Variants in AUTS2 observed in about 807,000 individuals in gnomAD.
The protein encoded by AUTS2 is activator of transcription and developmental regulator AUTS2, also known as autism susceptibility gene 2 protein.
Under a neutral mutation model 112.4 loss-of-function variants are expected in AUTS2, and 17 were observed. That is an observed-to-expected ratio of 0.15 (90% confidence interval 0.10 to 0.23). AUTS2 has a LOEUF of 0.23. AUTS2 is among the 10% of genes least tolerant of loss of function. AUTS2 has a pLI of 1.00. For synonymous variants in AUTS2, 751 were observed against 702.7 expected (o/e 1.07, Z -1.09); for missense variants, 1,510 against 1,701.6 (o/e 0.89, Z 1.98).
chr7:70,100,526 C>T (rs748808805), intron 2 of AUTS2, among the ~76,000 whole-genome samples: 28 of 151,458 alleles, frequency 1.8e-4, no homozygotes, highest in Non-Finnish European at 2.9e-4. Flanking sequence ...TTTGTTGCAC[C>T]CATCACCTCA....
chr7:70,776,466 G>C (rs1485458677), intron 13 of AUTS2, among the ~76,000 whole-genome samples: 1 of 152,164 alleles, frequency 6.6e-6, no homozygotes, highest in Non-Finnish European at 1.5e-5. Flanking sequence ...CCTAGATAGA[G>C]AACAGGAAGG....
chr7:70,212,024 G>C (rs759543278), intron 4 of AUTS2, among the ~76,000 whole-genome samples: 2 of 152,164 alleles, frequency 1.3e-5, no homozygotes, highest in Non-Finnish European at 2.9e-5. Context: ...AGAACAAATT[G>C]AGTAGACTTT....
intron 5 of AUTS2, among the ~76,000 whole-genome samples, chr7:70,582,611 T>C (rs1802504054): frequency 6.6e-6 from 1 of 152,220 alleles, no homozygotes; most frequent in Admixed American, 6.5e-5. Flanking sequence ...AGAAGCATCT[T>C]TTCATTTAGC....
chr7:70,135,049 A>G (rs1236362260), intron 4 of AUTS2, among the ~76,000 whole-genome samples: 1 of 152,108 alleles, frequency 6.6e-6, no homozygotes, highest in Non-Finnish European at 1.5e-5. Context: ...CAGTCTGGGT[A>G]GTTTGCCTTT....
chr7:69,633,909 G>A (rs1794393084), intron 1 of AUTS2, among the ~76,000 whole-genome samples: 1 of 151,932 alleles, frequency 6.6e-6, no homozygotes, highest in Admixed American at 6.6e-5. Flanking sequence ...CATTTCATTG[G>A]TTATTTCTTT....
intron 4 of AUTS2, among the ~76,000 whole-genome samples, chr7:70,148,904 A>G (rs1349594899): frequency 6.6e-6 from 1 of 152,026 alleles, no homozygotes; most frequent in African/African-American, 2.4e-5. Flanking sequence ...ACACAAAACT[A>G]TTTAAGCAAA....
intron 2 of AUTS2, among the ~76,000 whole-genome samples, chr7:69,982,368 G>C (rs1406597239): frequency 6.6e-6 from 1 of 152,110 alleles, no homozygotes; most frequent in Non-Finnish European, 1.5e-5. Flanking sequence ...GCTTTCTCTG[G>C]TGTAGAATTT....
At position 70,716,632 on chromosome 7, in the gene AUTS2, G is replaced by C. The variant is rs573152289; in HGVS notation, c.742+18012G>C. On this transcript the variant is annotated intron_variant, in intron 6 of 18. Transcript: ENST00000342771. ...AACCTGGGTGACAGAGCGAGACTCC[G>C]TCTCAAAAAAAAAAAAAAAAAAAAA... Among the ~76,000 whole-genome samples the C allele has an allele frequency of 2.5e-3, 137 of 54,626 alleles. 1 individual carries two copies. Among genetic ancestry groups the C allele is most frequent in the African/African-American group, 9.9e-3 (134 of 13,504 alleles). 35.8% of individuals were successfully genotyped at this position (54,626 alleles called of 152,430 possible).
chr7:70,632,307 C>A (rs183569084), intron 5 of AUTS2, among the ~76,000 whole-genome samples: 1 of 152,062 alleles, frequency 6.6e-6, no homozygotes, highest in Non-Finnish European at 1.5e-5. Context: ...GAAAGGCAGC[C>A]GGGGGATTCG....
intron 5 of AUTS2, among the ~76,000 whole-genome samples, chr7:70,669,724 C>T (rs925886130): frequency 2.0e-5 from 3 of 152,192 alleles, no homozygotes; most frequent in South Asian, 2.1e-4. Context: ...TTGAAGTCAT[C>T]GTGTGAATAG....
At chr7:70,633,080 AGG>A (rs1179610353) in intron 5 of AUTS2, among the ~76,000 whole-genome samples, 16 of 152,160 alleles carry the variant, frequency 1.1e-4, no homozygotes, top group Non-Finnish European at 1.9e-4. Context: ...CATGGGGTAG[AGG>A]GCAAGACAGT....
rs372714674 is a variant in AUTS2 at position 70,534,895 on chromosome 7, T to G, written c.690+99114T>G. Among the ~76,000 whole-genome samples the G allele has an allele frequency of 2.1e-4, 32 of 152,236 alleles. 1 individual carries two copies. Among genetic ancestry groups the G allele is most frequent in the African/African-American group, 7.2e-4 (30 of 41,532 alleles). ...CAACAGGTTATAAGACTTCAGAATGTCACGAACTGGTGAAAAAAAAATGTA... is the reference window on the plus strand; with the variant it reads ...CAACAGGTTATAAGACTTCAGAATGGCACGAACTGGTGAAAAAAAAATGTA... On this transcript the variant is annotated intron_variant, in intron 5 of 18. Coordinates refer to ENST00000342771, the MANE Select transcript of AUTS2 (RefSeq NM_015570.4).
chr7:70,424,884 G>A (rs1795369959), intron 4 of AUTS2, among the ~76,000 whole-genome samples: 1 of 152,178 alleles, frequency 6.6e-6, no homozygotes, highest in South Asian at 2.1e-4. Context: ...ATTGCACCTG[G>A]CCTCAGGATT....
At chr7:69,917,897 C>T (rs762783468) in intron 2 of AUTS2, among the ~76,000 whole-genome samples, 28 of 152,040 alleles carry the variant, frequency 1.8e-4, no homozygotes, top group Non-Finnish European at 3.8e-4. Context: ...GGCTGGAGTG[C>T]AGTGGCGCGA....
chr7:70,272,778 C>T (rs888526871), intron 4 of AUTS2, among the ~76,000 whole-genome samples: 1 of 151,908 alleles, frequency 6.6e-6, no homozygotes, highest in African/African-American at 2.4e-5. Context: ...GAGGACTGAG[C>T]CCCAGAGACA....
At chr7:70,736,478 C>T (rs1162851003) in intron 6 of AUTS2, among the ~76,000 whole-genome samples, 1 of 151,848 alleles carries the variant, frequency 6.6e-6, no homozygotes. Flanking sequence ...TACTTGTTTT[C>T]CAAGATCTGT....
In AUTS2 at chr7:69,726,186, G is replaced by A. The variant is rs530146237; in HGVS notation, c.309+126224G>A. Among the ~76,000 whole-genome samples, 51 of 152,176 alleles carry A rather than the reference G, an allele frequency of 3.4e-4. 1 individual carries two copies. The highest frequency in any genetic ancestry group is 1.2e-3 in the African/African-American group (49 of 41,534). On this transcript the variant is annotated intron_variant, in intron 1 of 18. Coordinates refer to ENST00000342771, the MANE Select transcript of AUTS2 (RefSeq NM_015570.4). ...AACCTGAAAAAGTTTTTTAGTTTCC[G>A]GTTTGAATCAATTCCTGCCCACCCC... is the stretch of plus-strand genomic sequence containing the variant.
Position 70,582,931 on chromosome 7 carries a change from T to A in AUTS2, c.691-115638T>A, listed in dbSNP as rs552664627. ...CTTAGCAAAAGTATGTCTAGACAAT[T>A]TTTTTTGGCTTTTCCCCCCAAACTT... On this transcript the variant is annotated intron_variant, in intron 5 of 18. Transcript: ENST00000342771. Among the ~76,000 whole-genome samples the A allele has an allele frequency of 6.6e-5, 10 of 152,306 alleles. No homozygotes were observed. The South Asian group carries it at 2.1e-3, about 32-fold the overall frequency.
intron 2 of AUTS2, among the ~76,000 whole-genome samples, chr7:70,071,656 A>G (rs1223378975): frequency 6.6e-6 from 1 of 152,120 alleles, no homozygotes; most frequent in South Asian, 2.1e-4. Flanking sequence ...CTTTGTAGCT[A>G]GTCATTTTCG....
Sources: allele counts gnomAD v4.1 joint callset (sites outside exome capture counted in the v4.1 genomes callset), GRCh38; gene constraint gnomAD v4.1.1; transcripts MANE v1.5; gene names NCBI Gene and HGNC (gene_info 2026-07-23, HGNC 2026-07-21).